ACAP2: variants seen among roughly 807,000 people sequenced by gnomAD.
ACAP2 encodes arf-GAP with coiled-coil, ANK repeat and PH domain-containing protein 2.
In ACAP2, 39 loss-of-function variants were observed where a neutral mutation model predicts 115.8. That is an observed-to-expected ratio of 0.34 (90% CI 0.26 to 0.44). The LOEUF is 0.44. Among genes scored for constraint, ACAP2 ranks in the 20% least tolerant of loss-of-function variants. The probability of loss-of-function intolerance (pLI) is 1.00; values close to 1 mark genes in which losing one functional copy is unlikely to be tolerated. For synonymous variants in ACAP2, 289 were observed against 315.8 expected, an observed-to-expected ratio of 0.92 and a Z score of 0.90; for missense variants, 662 against 927.6, an observed-to-expected ratio of 0.71 and a Z score of 3.72.
chr3:195,401,402 G>C (rs1159776308), intron 1 of ACAP2, among the ~76,000 whole-genome samples: 1 of 152,138 alleles, frequency 6.6e-6, no homozygotes, highest in African/African-American at 2.4e-5. Flanking sequence ...CAGTGGCTCA[G>C]GCCTGTAATC....
At chr3:195,437,824 AAAAAAAAAAAGC>A (rs1361014338) in intron 1 of ACAP2, among the ~76,000 whole-genome samples, 3 of 149,190 alleles carry the variant, frequency 2.0e-5, no homozygotes, top group African/African-American at 7.4e-5. Context: ...CAAAAAAAAA[AAAAAAAAAAAGC>A]AAAAAAAAAC....
At position 195,277,635 on chromosome 3, in the gene ACAP2, CTGGGAAATG is replaced by C. The variant is rs1343262938; in HGVS notation, c.*1684_*1692del. ...TAATCAACTTATAAAACCCTAGTGA[CTGGGAAATG>C]TTAGAAAATTTATCTATAATTGGAT... is the stretch of plus-strand genomic sequence containing the variant. On this transcript the variant is annotated 3_prime_UTR_variant, in exon 23 of 23. Transcript: ENST00000326793. 6.6e-6 allele frequency: 1 copy of C among 152,090 alleles called. No individual in the cohort carries two copies. The highest frequency in any genetic ancestry group is 1.5e-5 in the Non-Finnish European group (1 of 68,026). 9.4% of individuals were successfully genotyped at this position (152,090 alleles called of 1,614,324 possible). A position where few individuals can be genotyped will look rare whatever the true frequency, so the allele number is the denominator to read the frequency against.
intron 1 of ACAP2, among the ~76,000 whole-genome samples, chr3:195,427,853 G>C (rs1435169007): frequency 6.6e-6 from 1 of 152,018 alleles, no homozygotes; most frequent in Non-Finnish European, 1.5e-5. Context: ...GTTGCAGTGA[G>C]ACAAGATAAC....
At chr3:195,295,201 C>T (rs759219910) in intron 17 of ACAP2, 36 of 1,289,180 alleles carry the variant, frequency 2.8e-5, no homozygotes, top group South Asian at 6.2e-5. Context: ...CTTACTACTA[C>T]GCAGTTTTGA....
At chr3:195,388,989 A>ACTC (rs763821344) in intron 2 of ACAP2, among the ~76,000 whole-genome samples, 1 of 151,608 alleles carries the variant, frequency 6.6e-6, no homozygotes, top group South Asian at 2.1e-4. Context: ...ACACCACTGC[A>ACTC]CTCCAGCCTG....
chr3:195,423,797 A>T (rs747645325), intron 1 of ACAP2, among the ~76,000 whole-genome samples: 2 of 152,296 alleles, frequency 1.3e-5, no homozygotes, highest in Middle Eastern at 3.4e-3. Flanking sequence ...GAAATTTTAT[A>T]TAATTTTCAT....
intron 10 of ACAP2, among the ~76,000 whole-genome samples, chr3:195,318,434 C>G (rs539439274): frequency 6.6e-6 from 1 of 152,280 alleles, no homozygotes; most frequent in South Asian, 2.1e-4. Context: ...TGCTTTTGAC[C>G]AAAATGCTGA....
chr3:195,381,403 C>T (rs1009708108), intron 3 of ACAP2, among the ~76,000 whole-genome samples: 1 of 152,160 alleles, frequency 6.6e-6, no homozygotes, highest in Admixed American at 6.5e-5. Context: ...CATCAAACTA[C>T]ACCCATTTCT....
intron 13 of ACAP2, among the ~76,000 whole-genome samples, chr3:195,305,491 T>C (rs989050206): frequency 3.3e-5 from 5 of 152,160 alleles, no homozygotes; most frequent in African/African-American, 1.2e-4. Context: ...AAATGCCTCA[T>C]TTTCAGGAAG....
At chr3:195,400,960 G>A (rs929628472) in intron 1 of ACAP2, among the ~76,000 whole-genome samples, 2 of 152,176 alleles carry the variant, frequency 1.3e-5, no homozygotes, top group African/African-American at 4.8e-5. Flanking sequence ...TAGTTTGGGA[G>A]GCCAAAGCAG....
chr3:195,425,026 C>CAAAAAAAAA lies in ACAP2; in HGVS notation c.53+17760_53+17768dup, dbSNP rs10690317. Among the ~76,000 whole-genome samples, 216 of 26,648 alleles carry CAAAAAAAAA rather than the reference C, an allele frequency of 8.1e-3. 41 individuals carry two copies. Among genetic ancestry groups the CAAAAAAAAA allele is most frequent in the Middle Eastern group, 0.071 (2 of 28 alleles). The allele number at this position is 26,648 out of a possible 152,430, so 17.5% of individuals were successfully genotyped here. A position where few individuals can be genotyped will look rare whatever the true frequency, so the allele number is the denominator to read the frequency against. Reference sequence around the variant, plus strand: ...TGGGCGACAGAGCGAGACTCCGTCTCAAAAAAAAAAAAAAAAAAAAAAAAA... The same window carrying CAAAAAAAAA: ...TGGGCGACAGAGCGAGACTCCGTCTCAAAAAAAAAAAAAAAAAAAAAAAAAAAAAAAAAA... On this transcript the variant is annotated intron_variant, in intron 1 of 22. Transcript: ENST00000326793.
At chr3:195,412,420 T>TA (rs929077891) in intron 1 of ACAP2, among the ~76,000 whole-genome samples, 87 of 139,980 alleles carry the variant, frequency 6.2e-4, no homozygotes, top group Admixed American at 7.2e-4. Flanking sequence ...TCTCTACTAT[T>TA]AAAAAAAAAA....
chr3:195,441,694 A>G (rs1395508517), intron 1 of ACAP2: 1 of 152,256 alleles, frequency 6.6e-6, no homozygotes, highest in Non-Finnish European at 1.5e-5. Context: ...AGGAAGCTTC[A>G]AGAAATGTCA....
At chr3:195,410,378 A>C (rs923595499) in intron 1 of ACAP2, among the ~76,000 whole-genome samples, 1 of 152,240 alleles carries the variant, frequency 6.6e-6, no homozygotes, top group Non-Finnish European at 1.5e-5. Context: ...TGGATATGAT[A>C]CCAAAAGCAC....
At chr3:195,390,415 C>G (rs1359855222) in intron 2 of ACAP2, among the ~76,000 whole-genome samples, 1 of 152,106 alleles carries the variant, frequency 6.6e-6, no homozygotes, top group Non-Finnish European at 1.5e-5. Context: ...ACAAAAATAA[C>G]TTATCTCTAA....
At chr3:195,353,760 A>C (rs982656925) in intron 4 of ACAP2, among the ~76,000 whole-genome samples, 1 of 134,402 alleles carries the variant, frequency 7.4e-6, no homozygotes, top group Non-Finnish European at 1.6e-5. Context: ...ATTCCTTAAT[A>C]AAGTTGTTAA....
At chr3:195,369,559 C>T (rs1234999097) in intron 4 of ACAP2, among the ~76,000 whole-genome samples, 1 of 152,198 alleles carries the variant, frequency 6.6e-6, no homozygotes, top group Non-Finnish European at 1.5e-5. Context: ...ATAATGGCTT[C>T]CAGCTCCATC....
At chr3:195,391,990 G>A (rs1386959445) in intron 2 of ACAP2, 100 bp downstream of exon 2, 2 of 934,436 alleles carry the variant, frequency 2.1e-6, no homozygotes, top group Non-Finnish European at 3.3e-6. Context: ...GTGAGACTCT[G>A]TCTCCAAAAA....
At chr3:195,359,866 C>T (rs1732235341) in intron 4 of ACAP2, among the ~76,000 whole-genome samples, 1 of 152,002 alleles carries the variant, frequency 6.6e-6, no homozygotes, top group Admixed American at 6.6e-5. Flanking sequence ...CTCATGGTAA[C>T]CTCCAATCTA....
Sources: allele counts gnomAD v4.1 joint callset (sites outside exome capture counted in the v4.1 genomes callset), GRCh38; gene constraint gnomAD v4.1.1; transcripts MANE v1.5; gene names NCBI Gene and HGNC (gene_info 2026-07-23, HGNC 2026-07-21).